Variants in PLA2G5 observed in about 807,000 individuals in gnomAD.
PLA2G5 encodes the protein Ca2+-dependent phospholipase A2.
PLA2G5 carries 12 observed loss-of-function variants against 15.9 expected under a neutral mutation model. That is an observed-to-expected ratio of 0.76 (90% CI 0.48 to 1.23). The LOEUF (loss-of-function observed/expected upper bound fraction) is 1.23. PLA2G5 is among the 50% of genes most tolerant of loss of function. The pLI is 0.00. For synonymous variants in PLA2G5, 71 were observed against 71.4 expected, an observed-to-expected ratio of 0.99 and a Z score of 0.03; for missense variants, 169 against 177.1, an observed-to-expected ratio of 0.95 and a Z score of 0.26.
chr1:20,034,267 C>T (rs2013124947), intron 1 of PLA2G5, among the ~76,000 whole-genome samples: 1 of 152,086 alleles, frequency 6.6e-6, no homozygotes, highest in African/African-American at 2.4e-5. Context: ...TATTCTGGAA[C>T]CCCTGTGGAA....
intron 1 of PLA2G5, among the ~76,000 whole-genome samples, chr1:20,043,852 G>A (rs560411254): frequency 5.8e-4 from 89 of 152,288 alleles, no homozygotes; most frequent in Non-Finnish European, 1.1e-3. Context: ...TATCAATTAA[G>A]CAGGGGACGG....
intron 1 of PLA2G5, among the ~76,000 whole-genome samples, chr1:20,058,373 T>C (rs2014542110): frequency 6.6e-6 from 1 of 152,206 alleles, no homozygotes; most frequent in African/African-American, 2.4e-5. Flanking sequence ...CATCATTATG[T>C]AAATGCCCCT....
intron 3 of PLA2G5, among the ~76,000 whole-genome samples, chr1:20,086,544 G>A (rs189000290): frequency 4.6e-5 from 7 of 152,304 alleles, no homozygotes; most frequent in East Asian, 1.9e-4. Flanking sequence ...ACTGAGGCTG[G>A]ACAATCCACC....
At chr1:20,035,017 T>A (rs1039028401) in intron 1 of PLA2G5, among the ~76,000 whole-genome samples, 3 of 152,132 alleles carry the variant, frequency 2.0e-5, no homozygotes, top group African/African-American at 7.2e-5. Context: ...CAGGTCTGGT[T>A]CTAGTTTTTT....
At chr1:20,063,319 A>G (rs998984231) in intron 2 of PLA2G5, among the ~76,000 whole-genome samples, 2 of 152,186 alleles carry the variant, frequency 1.3e-5, no homozygotes, top group South Asian at 2.1e-4. Context: ...TTCTGAGTCT[A>G]TCAAACTGCA....
rs200026946 is a variant in PLA2G5 at position 20,089,783 on chromosome 1, G to A, written c.186-6G>A. ...CACTCGGGATCTAAGTCTCTTGCACGGACAGGTGCTGTTGGGCGCATGACC... is the reference window on the plus strand; with the variant it reads ...CACTCGGGATCTAAGTCTCTTGCACAGACAGGTGCTGTTGGGCGCATGACC... On this transcript the variant is annotated splice_region_variant and splice_polypyrimidine_tract_variant and intron_variant, in intron 3 of 4. Coordinates refer to ENST00000375108, the MANE Select transcript of PLA2G5 (RefSeq NM_000929.3). 2.4e-5 allele frequency: 39 copies of A among 1,612,502 alleles called. No individual in the cohort carries two copies. The East Asian group carries it at 7.1e-4, about 30-fold the overall frequency.
intron 2 of PLA2G5, chr1:20,059,794 G>C (rs1315795247): frequency 2.0e-5 from 3 of 152,208 alleles, no homozygotes; most frequent in African/African-American, 7.2e-5. Flanking sequence ...CGTAAAGCAT[G>C]GATTTGCTGG....
chr1:20,061,472 A>T (rs2014725762), intron 2 of PLA2G5, among the ~76,000 whole-genome samples: 1 of 151,740 alleles, frequency 6.6e-6, no homozygotes, highest in South Asian at 2.1e-4. Flanking sequence ...TGTAGTCCCA[A>T]CTACTCAGGA....
chr1:20,043,202 G>A (rs1393026714), intron 1 of PLA2G5, among the ~76,000 whole-genome samples: 2 of 152,092 alleles, frequency 1.3e-5, no homozygotes, highest in Non-Finnish European at 2.9e-5. Flanking sequence ...TGTGGAGGGA[G>A]GTATTGAGGA....
intron 1 of PLA2G5, among the ~76,000 whole-genome samples, chr1:20,040,386 C>T (rs942590906): frequency 2.0e-5 from 3 of 152,166 alleles, no homozygotes; most frequent in African/African-American, 7.2e-5. Context: ...TTAGCACATC[C>T]TACTTTCTGA....
At chr1:20,070,649 C>T (rs1390816512) in intron 1 of PLA2G5, among the ~76,000 whole-genome samples, 184 bp downstream of exon 1, 2 of 152,136 alleles carry the variant, frequency 1.3e-5, no homozygotes, top group East Asian at 3.9e-4. Flanking sequence ...CATTGTCAGG[C>T]CTGGAGAGCG....
intron 1 of PLA2G5, among the ~76,000 whole-genome samples, chr1:20,046,531 G>A (rs2013915894): frequency 3.9e-5 from 6 of 152,162 alleles, no homozygotes; most frequent in Admixed American, 3.9e-4. Context: ...ATCTAGAAAA[G>A]GCTTTTAATG....
At chr1:20,045,324 G>T (rs148632395) in intron 1 of PLA2G5, among the ~76,000 whole-genome samples, 94 of 152,150 alleles carry the variant, frequency 6.2e-4, no homozygotes, top group African/African-American at 2.0e-3. Context: ...TGGGGAGGTG[G>T]TGCTTGCTAC....
chr1:20,059,421 T>A (rs1569717988), intron 1 of PLA2G5, among the ~76,000 whole-genome samples: 1 of 142,726 alleles, frequency 7.0e-6, no homozygotes, highest in East Asian at 2.0e-4. Flanking sequence ...AGGTCCTGTC[T>A]AAAAAAAAAA....
chr1:20,046,684 C>T lies in PLA2G5; in HGVS notation n.277-12948C>T, dbSNP rs138191054. 7.8e-3 allele frequency among the ~76,000 whole-genome samples: 1,192 copies of T among 152,194 alleles called. 21 individuals carry two copies. The highest frequency in any genetic ancestry group is 0.027 in the African/African-American group (1,125 of 41,520). On this transcript the variant is annotated intron_variant and non_coding_transcript_variant, in intron 1 of 6. Coordinates refer to the PLA2G5 transcript ENST00000460175. ...GTTTTCCTGTATTGAATGAGCTGACCTTTTTGGCTTTGGGGGTACCAGAGA... is the reference window on the plus strand; with the variant it reads ...GTTTTCCTGTATTGAATGAGCTGACTTTTTTGGCTTTGGGGGTACCAGAGA...
chr1:20,031,962 C>G (rs2012974428), intron 1 of PLA2G5, among the ~76,000 whole-genome samples: 1 of 151,918 alleles, frequency 6.6e-6, no homozygotes. Flanking sequence ...AGGCCAACTA[C>G]CCGGTATAGA....
At chr1:20,040,798 G>T (rs1286626799) in intron 1 of PLA2G5, among the ~76,000 whole-genome samples, 1 of 152,208 alleles carries the variant, frequency 6.6e-6, no homozygotes, top group East Asian at 1.9e-4. Flanking sequence ...TCACCCATCT[G>T]CTCACTGAGA....
chr1:20,076,112 G>GGCCTGACCTCAATTCA (rs2015660353), intron 1 of PLA2G5, among the ~76,000 whole-genome samples: 1 of 151,828 alleles, frequency 6.6e-6, no homozygotes, highest in Non-Finnish European at 1.5e-5. Flanking sequence ...ACCTCAATTC[G>GGCCTGACCTCAATTCA]GGCCTGCCTC....
intron 1 of PLA2G5, among the ~76,000 whole-genome samples, chr1:20,081,565 T>A (rs1312984747): frequency 6.6e-6 from 1 of 151,536 alleles, no homozygotes; most frequent in Admixed American, 6.6e-5. Context: ...GGGGACACAG[T>A]TTAGGACCGG....
Sources: allele counts gnomAD v4.1 joint callset (sites outside exome capture counted in the v4.1 genomes callset), GRCh38; gene constraint gnomAD v4.1.1; transcripts MANE v1.5; gene names NCBI Gene and HGNC (gene_info 2026-07-23, HGNC 2026-07-21).